Variants in GRK5 observed in about 807,000 individuals in gnomAD.
GRK5 encodes the protein g protein-coupled receptor kinase GRK5.
A neutral mutation model predicts 78.4 loss-of-function variants in GRK5; 40 were observed. That is an observed-to-expected ratio of 0.51 (90% CI 0.40 to 0.66). The LOEUF is 0.66. GRK5 is among the 30% of genes least tolerant of loss of function. The probability of loss-of-function intolerance (pLI) is 0.00; values close to 1 mark genes in which losing one functional copy is unlikely to be tolerated. For synonymous variants in GRK5, 289 were observed against 296.8 expected, an observed-to-expected ratio of 0.97 and a Z score of 0.27; for missense variants, 598 against 759.9, an observed-to-expected ratio of 0.79 and a Z score of 2.50.
At chr10:119,277,742 C>T (rs1849692515) in intron 1 of GRK5, among the ~76,000 whole-genome samples, 1 of 152,216 alleles carries the variant, frequency 6.6e-6, no homozygotes, top group Admixed American at 6.5e-5. Context: ...GTCCCCTGAA[C>T]CCTAAGCAGC....
At chr10:119,437,299 C>T (rs1347701794) in intron 9 of GRK5, among the ~76,000 whole-genome samples, 2 of 152,132 alleles carry the variant, frequency 1.3e-5, no homozygotes, top group Non-Finnish European at 2.9e-5. Flanking sequence ...CTGTCCTCAG[C>T]TTGCTCTGGT....
At chr10:119,233,395 C>T (rs1195098692) in intron 1 of GRK5, among the ~76,000 whole-genome samples, 1 of 152,024 alleles carries the variant, frequency 6.6e-6, no homozygotes, top group African/African-American at 2.4e-5. Flanking sequence ...AAAAGGGCTG[C>T]TCTTCTGCTG....
intron 2 of GRK5, among the ~76,000 whole-genome samples, chr10:119,328,496 T>A (rs1850716447): frequency 6.6e-6 from 1 of 152,208 alleles, no homozygotes; most frequent in Non-Finnish European, 1.5e-5. Flanking sequence ...AAGTACCCCC[T>A]TTCTGGTGAG....
At chr10:119,330,943 C>T (rs556521318) in intron 2 of GRK5, among the ~76,000 whole-genome samples, 1 of 152,284 alleles carries the variant, frequency 6.6e-6, no homozygotes, top group Admixed American at 6.5e-5. Flanking sequence ...ATCGCTTCAA[C>T]TTGGGAGGCG....
chr10:119,251,708 G>A (rs1003700391), intron 1 of GRK5, among the ~76,000 whole-genome samples: 1 of 152,212 alleles, frequency 6.6e-6, no homozygotes. Context: ...CCTTGACACC[G>A]TTGCCATCTG....
rs568036509 is a variant in GRK5, at chr10:119,395,120, C to T, written c.262-1575C>T. 1.3e-5 allele frequency among the ~76,000 whole-genome samples: 2 copies of T among 152,020 alleles called. 1 individual carries two copies. The highest frequency in any genetic ancestry group is 4.2e-4 in the South Asian group (2 of 4,800). ...TGTGACCTTGGACCTTGGGCAAGTCCCTGACTTCTCTGAGCCTCTGTGTCC... is the reference window on the plus strand; with the variant it reads ...TGTGACCTTGGACCTTGGGCAAGTCTCTGACTTCTCTGAGCCTCTGTGTCC... On this transcript the variant is annotated intron_variant, in intron 3 of 15. Transcript: ENST00000392870.
chr10:119,331,833 C>T (rs1736155050), intron 2 of GRK5, among the ~76,000 whole-genome samples: 1 of 152,238 alleles, frequency 6.6e-6, no homozygotes, highest in Admixed American at 6.5e-5. Flanking sequence ...CATTCTCCTG[C>T]TGAAACCAAC....
At chr10:119,394,087 A>G (rs1230694102) in intron 3 of GRK5, among the ~76,000 whole-genome samples, 38 of 83,088 alleles carry the variant, frequency 4.6e-4, no homozygotes, top group South Asian at 9.4e-4. Context: ...GTGTGTGGGT[A>G]TCTGTGTGTG....
At chr10:119,263,070 C>T (rs1188252867) in intron 1 of GRK5, among the ~76,000 whole-genome samples, 4 of 151,910 alleles carry the variant, frequency 2.6e-5, no homozygotes, top group South Asian at 2.1e-4. Context: ...TGCAGTGGCG[C>T]GATCTCAGCT....
Position 119,412,571 on chromosome 10 carries a change from C to T in GRK5, c.340-10595C>T, listed in dbSNP as rs1328814537. ...GTTCTTGTCTGGGGCTTGTGGATCA[C>T]GTCTCCTGCCTGGCCATGGACAGAG... On this transcript the variant is annotated intron_variant, in intron 4 of 15. Coordinates refer to ENST00000392870, the MANE Select transcript of GRK5 (RefSeq NM_005308.3). The surrounding 1 kb of genome is among the most constrained non-coding windows in gnomAD (Gnocchi z 4.3). Among the ~76,000 whole-genome samples, 2 of 152,174 alleles carry T rather than the reference C, an allele frequency of 1.3e-5. No homozygotes were observed. The highest frequency in any genetic ancestry group is 2.9e-5 in the Non-Finnish European group (2 of 68,020).
rs1390472341 is a variant in GRK5 at position 119,264,543 on chromosome 10, AG to A, written c.52+56575del. 6.6e-6 allele frequency among the ~76,000 whole-genome samples: 1 copy of A among 152,224 alleles called. No individual in the cohort carries two copies. The highest frequency in any genetic ancestry group is 6.5e-5 in the Admixed American group (1 of 15,288). ...CCTTAAAGTTAGCTATCCCTCAGCA[AG>A]AAAGACCACCTCTCCCAGCAGCTGT... is the stretch of plus-strand genomic sequence containing the variant. On this transcript the variant is annotated intron_variant, in intron 1 of 15. Coordinates refer to ENST00000392870, the MANE Select transcript of GRK5 (RefSeq NM_005308.3). The surrounding 1 kb of genome is among the most constrained non-coding windows in gnomAD (Gnocchi z 4.1).
intron 1 of GRK5, among the ~76,000 whole-genome samples, chr10:119,285,793 GC>G (rs1225725240): frequency 6.6e-6 from 1 of 152,172 alleles, no homozygotes; most frequent in East Asian, 1.9e-4. Flanking sequence ...GGAGCAGGGA[GC>G]CGCTGAGTGC....
At chr10:119,241,537 G>T (rs1849027866) in intron 1 of GRK5, among the ~76,000 whole-genome samples, 1 of 152,210 alleles carries the variant, frequency 6.6e-6, no homozygotes, top group African/African-American at 2.4e-5. Flanking sequence ...CATAGCTGTG[G>T]AAAGAGTTGA....
At chr10:119,311,190 A>G (rs143712974) in intron 1 of GRK5, among the ~76,000 whole-genome samples, 6 of 152,270 alleles carry the variant, frequency 3.9e-5, no homozygotes, top group African/African-American at 1.4e-4. Context: ...TGCCTCGCCC[A>G]TCTGTTTATC....
chr10:119,407,512 C>A (rs775032091), intron 4 of GRK5, among the ~76,000 whole-genome samples: 3 of 152,220 alleles, frequency 2.0e-5, no homozygotes, highest in Non-Finnish European at 2.9e-5. Context: ...TTGGCTGTTG[C>A]CGGAAGTTCT....
chr10:119,413,787 C>T (rs564633828), intron 4 of GRK5, among the ~76,000 whole-genome samples: 1 of 152,274 alleles, frequency 6.6e-6, no homozygotes, highest in African/African-American at 2.4e-5. Flanking sequence ...CAAGGCCCAG[C>T]ACAACGCCTG....
At chr10:119,395,040 G>C (rs1852021083) in intron 3 of GRK5, among the ~76,000 whole-genome samples, 1 of 151,220 alleles carries the variant, frequency 6.6e-6, no homozygotes, top group South Asian at 2.1e-4. Context: ...CTGGGGAGAG[G>C]CTCTGCCCAC....
rs562273617 is a variant in GRK5, at chr10:119,294,677, A to G, written c.53-31839A>G. Reference sequence around the variant, plus strand: ...AGGCAGGGGGAGACATATAATTTCTAGAACTTCTGAGGTTCTAGGACAGGG... The same window carrying G: ...AGGCAGGGGGAGACATATAATTTCTGGAACTTCTGAGGTTCTAGGACAGGG... On this transcript the variant is annotated intron_variant, in intron 1 of 15. Transcript: ENST00000392870. Among the ~76,000 whole-genome samples, 12 of 152,324 alleles carry G rather than the reference A, an allele frequency of 7.9e-5. No individual in the cohort carries two copies. In the South Asian group the frequency reaches 2.5e-3, roughly 32 times the overall value.
At position 119,217,232 on chromosome 10, in the gene GRK5, GT is replaced by G. The variant is rs1027446417; in HGVS notation, c.52+9264del. 1.3e-5 allele frequency among the ~76,000 whole-genome samples: 2 copies of G among 152,188 alleles called. No individual in the cohort carries two copies. Among genetic ancestry groups the G allele is most frequent in the African/African-American group, 4.8e-5 (2 of 41,452 alleles). On this transcript the variant is annotated intron_variant, in intron 1 of 15. Coordinates refer to ENST00000392870, the MANE Select transcript of GRK5 (RefSeq NM_005308.3). This position sits in a 1 kb window ranked among gnomAD's most constrained non-coding sequence, Gnocchi z 4.1. ...GGGGCAAATTGGGAATATAATTTCT[GT>G]CTCAGACCGTGATTTCAGCTGAGGG...
Sources: allele counts gnomAD v4.1 joint callset (sites outside exome capture counted in the v4.1 genomes callset), GRCh38; gene constraint gnomAD v4.1.1; non-coding constraint Gnocchi (gnomAD v3.1); transcripts MANE v1.5; gene names NCBI Gene and HGNC (gene_info 2026-07-23, HGNC 2026-07-21).